The following QTMAN variants were observed in gnomAD, a reference collection of about 807,000 sequenced individuals.
QTMAN encodes the protein tRNA-queuosine alpha-mannosyltransferase.
the QTMAN span, among the ~76,000 whole-genome samples, chr2:144,133,040 C>T: frequency 7.4e-6 from 1 of 135,106 alleles, no homozygotes; most frequent in Non-Finnish European, 1.6e-5. Flanking sequence ...AGGTAGAACG[C>T]AAACTGGAAA....
chr2:144,110,066 A>G, the QTMAN span, among the ~76,000 whole-genome samples: 3 of 152,242 alleles, frequency 2.0e-5, no homozygotes, highest in Admixed American at 2.0e-4. Context: ...ATTATAAATC[A>G]CGCTGCTATA....
At chr2:144,047,833 G>A in the QTMAN span, among the ~76,000 whole-genome samples, 1 of 152,176 alleles carries the variant, frequency 6.6e-6, no homozygotes, top group Non-Finnish European at 1.5e-5. Flanking sequence ...TTAACCTGAT[G>A]TGCCATCAAG....
chr2:144,328,038 A>G, the QTMAN span, among the ~76,000 whole-genome samples: 4 of 152,178 alleles, frequency 2.6e-5, 1 homozygote. Flanking sequence ...TGCAACCTCC[A>G]CCGCCCAGGT....
At chr2:144,315,845 C>T in the QTMAN span, among the ~76,000 whole-genome samples, 3 of 152,194 alleles carry the variant, frequency 2.0e-5, no homozygotes, top group South Asian at 6.2e-4. Flanking sequence ...ATTACCACAT[C>T]CCACACCAAG....
At chr2:144,008,858 G>A in the QTMAN span, among the ~76,000 whole-genome samples, 6 of 152,032 alleles carry the variant, frequency 3.9e-5, no homozygotes, top group African/African-American at 7.2e-5. Flanking sequence ...TGGCTACTTC[G>A]ACAGGCCACT....
At chr2:143,970,856 G>A in the QTMAN span, 2 of 707,414 alleles carry the variant, frequency 2.8e-6, no homozygotes, top group Non-Finnish European at 5.1e-6. Flanking sequence ...TTTTTTCATG[G>A]TCTACTGCTG....
the QTMAN span, chr2:144,145,510 G>T: frequency 1.6e-6 from 2 of 1,237,004 alleles, no homozygotes; most frequent in Admixed American, 2.0e-5. Flanking sequence ...GATTTAAAAC[G>T]TAACCACCTA....
the QTMAN span, chr2:144,145,588 T>C: frequency 6.2e-7 from 1 of 1,609,406 alleles, no homozygotes; most frequent in East Asian, 2.2e-5. Flanking sequence ...AGAATTTGGT[T>C]GTATCCATAT....
the QTMAN span, among the ~76,000 whole-genome samples, chr2:144,100,621 T>A: frequency 6.6e-6 from 1 of 152,142 alleles, no homozygotes; most frequent in Admixed American, 6.5e-5. Context: ...CAGGATAATA[T>A]CCAATGTTAT....
At chr2:144,256,954 T>C in the QTMAN span, among the ~76,000 whole-genome samples, 1 of 152,014 alleles carries the variant, frequency 6.6e-6, no homozygotes, top group Non-Finnish European at 1.5e-5. Flanking sequence ...AGACATCTTG[T>C]TTCAAAAACA....
the QTMAN span, among the ~76,000 whole-genome samples, chr2:144,093,048 A>G: frequency 6.6e-6 from 1 of 152,180 alleles, no homozygotes; most frequent in African/African-American, 2.4e-5. Flanking sequence ...TATATGGTGG[A>G]AAAAATTACA....
At chr2:144,209,235 A>G in the QTMAN span, among the ~76,000 whole-genome samples, 15 of 152,246 alleles carry the variant, frequency 9.9e-5, no homozygotes, top group African/African-American at 3.6e-4. Context: ...CTTTCACTTC[A>G]AGAGTCCTTC....
the QTMAN span, among the ~76,000 whole-genome samples, chr2:144,189,372 C>T: frequency 6.6e-6 from 1 of 152,204 alleles, no homozygotes; most frequent in Non-Finnish European, 1.5e-5. Flanking sequence ...ACAGGGTTTG[C>T]TCTGTGCCAT....
the QTMAN span, among the ~76,000 whole-genome samples, chr2:144,142,252 T>A: frequency 6.6e-6 from 1 of 151,724 alleles, no homozygotes; most frequent in Non-Finnish European, 1.5e-5. Context: ...TCACAGGGAG[T>A]TGATTGGTGG....
At chr2:144,232,788 C>T in the QTMAN span, among the ~76,000 whole-genome samples, 4 of 152,238 alleles carry the variant, frequency 2.6e-5, no homozygotes, top group Non-Finnish European at 4.4e-5. Context: ...GAACATTCTA[C>T]GAAATTTCAT....
chr2:144,118,374 T>C, the QTMAN span, among the ~76,000 whole-genome samples: 3 of 152,188 alleles, frequency 2.0e-5, no homozygotes, highest in African/African-American at 4.8e-5. Context: ...AAAATTCAAC[T>C]ATGAACTGTT....
the QTMAN span, among the ~76,000 whole-genome samples, chr2:144,101,224 A>C: frequency 2.0e-5 from 3 of 152,120 alleles, no homozygotes; most frequent in East Asian, 5.8e-4. Flanking sequence ...GGGGAGTTCA[A>C]GACATTTTCC....
chr2:144,170,208 A>G, the QTMAN span, among the ~76,000 whole-genome samples: 1 of 152,194 alleles, frequency 6.6e-6, no homozygotes, highest in Non-Finnish European at 1.5e-5. Flanking sequence ...ATTACCATAT[A>G]TAATGCTTTA....
chr2:144,130,483 G>T, the QTMAN span, among the ~76,000 whole-genome samples: 2 of 151,908 alleles, frequency 1.3e-5, no homozygotes, highest in African/African-American at 4.8e-5. Flanking sequence ...AAATACTGAA[G>T]TTGAGCTGGA....
Sources: gnomAD v4.1 joint callset for allele counts (sites outside exome capture counted in the v4.1 genomes callset) on GRCh38, gnomAD v4.1.1 for gene constraint, MANE v1.5 for transcripts, NCBI Gene and HGNC (gene_info 2026-07-23, HGNC 2026-07-21) for gene names.